SPRED2: variants seen among roughly 807,000 people sequenced by gnomAD.
SPRED2 encodes sprouty related EVH1 domain containing 2.
SPRED2 carries 47 observed loss-of-function variants against 43.0 expected under a neutral mutation model. The ratio of observed to expected loss-of-function variants is 1.09; its 90% CI spans 0.87 to 1.40. The LOEUF (loss-of-function observed/expected upper bound fraction) is 1.40, where lower values mean the gene tolerates loss of function less well. Among genes scored for constraint, SPRED2 ranks in the 40% most tolerant of loss-of-function variants. SPRED2 has a pLI of 0.00. For missense variants in SPRED2, 561 were observed against 586.4 expected (o/e 0.96, Z 0.45); for synonymous variants, 225 against 225.7 (o/e 1.00, Z 0.03).
chr2:65,415,353 G>A (rs1173268276), intron 1 of SPRED2, among the ~76,000 whole-genome samples: 1 of 151,994 alleles, frequency 6.6e-6, no homozygotes, highest in Non-Finnish European at 1.5e-5. Flanking sequence ...TCTGTTTTAA[G>A]TCAATGTATT....
chr2:65,427,044 TC>T (rs1456417716), intron 1 of SPRED2, among the ~76,000 whole-genome samples: 1 of 151,982 alleles, frequency 6.6e-6, no homozygotes, highest in Admixed American at 6.5e-5. Context: ...TAAGGTCTTT[TC>T]AGGTTTTTTT....
intron 1 of SPRED2, among the ~76,000 whole-genome samples, chr2:65,376,845 G>T (rs1042393018): frequency 3.3e-5 from 5 of 152,110 alleles, no homozygotes; most frequent in Non-Finnish European, 7.4e-5. Context: ...CTCCTGAGTA[G>T]CTGGGACTAC....
chr2:65,423,541 C>T (rs1409950233), intron 1 of SPRED2, among the ~76,000 whole-genome samples: 1 of 152,226 alleles, frequency 6.6e-6, no homozygotes, highest in Non-Finnish European at 1.5e-5. Flanking sequence ...ATTATCCTCC[C>T]ACAAGCTCCC....
chr2:65,384,655 G>T (rs947832523), intron 1 of SPRED2, among the ~76,000 whole-genome samples: 2 of 152,026 alleles, frequency 1.3e-5, no homozygotes, highest in African/African-American at 4.8e-5. Flanking sequence ...CTACCCCCAC[G>T]GAGAAAAGCC....
At chr2:65,393,326 C>CTTTTTT (rs55696467) in intron 1 of SPRED2, among the ~76,000 whole-genome samples, 9 of 141,692 alleles carry the variant, frequency 6.4e-5, no homozygotes, top group Non-Finnish European at 7.7e-5. Context: ...AATCATAAGG[C>CTTTTTT]TTTTTTTTTT....
intron 1 of SPRED2, among the ~76,000 whole-genome samples, chr2:65,431,342 C>A (rs1414513113): frequency 1.3e-5 from 2 of 151,438 alleles, no homozygotes; most frequent in African/African-American, 4.8e-5. Context: ...TGCACAGGCA[C>A]TCACGCGCCG....
In SPRED2 at chr2:65,313,599, G is replaced by C; in HGVS notation, c.1159C>G (p.Leu387Val). The C allele has an allele frequency of 6.2e-7, 1 of 1,614,206 alleles. No homozygotes were observed. The highest frequency in any genetic ancestry group is 1.1e-5 in the South Asian group (1 of 91,090). The change falls in exon 6 of 6, where the codon CTG becomes GTG. Residue 387 changes from leucine to valine, a missense_variant. This residue lies in a region of SPRED2 where 65 missense variants were observed against 60.2 expected (regional missense o/e 1.08). Coordinates refer to ENST00000356388, the MANE Select transcript of SPRED2 (RefSeq NM_181784.3). ...RWMALIALSFLAPCMCCYLPL... is the reference protein window; with the variant it reads ...RWMALIALSFVAPCMCCYLPL... ...AGGTAACAGCACATACAGGGGGCCA[G>C]GAAAGACAAGGCAATAAGAGCCATC...
intron 1 of SPRED2, among the ~76,000 whole-genome samples, chr2:65,381,266 CCAG>C (rs1675368098): frequency 6.6e-6 from 1 of 152,340 alleles, no homozygotes; most frequent in Admixed American, 6.5e-5. Flanking sequence ...CCAGCCTGCA[CCAG>C]CAGATGTCTT....
At chr2:65,316,675 C>A in intron 5 of SPRED2, 59 bp downstream of exon 5, 1 of 1,552,208 alleles carries the variant, frequency 6.4e-7, no homozygotes. Flanking sequence ...GGGAAAGAGG[C>A]CATTCCAGAA....
rs1234699030 is a variant in SPRED2 at position 65,339,379 on chromosome 2, C to T, written c.205-4606G>A. The stretch of plus-strand genomic sequence containing the variant: ...GGCGACTTTTCATTTTGTTTTGTAC[C>T]AAGAAAAATTCTTCTGCCTTGGGAT... On this transcript the variant is annotated intron_variant, in intron 2 of 5. Transcript: ENST00000356388. 3.3e-5 allele frequency among the ~76,000 whole-genome samples: 5 copies of T among 151,738 alleles called. No homozygotes were observed. The East Asian group carries it at 9.8e-4, about 30-fold the overall frequency.
intron 1 of SPRED2, among the ~76,000 whole-genome samples, chr2:65,359,216 G>A (rs1490129065): frequency 4.6e-5 from 7 of 152,134 alleles, no homozygotes; most frequent in East Asian, 1.9e-4. Context: ...TCCTACAAGC[G>A]CAATTTCCTT....
intron 1 of SPRED2, among the ~76,000 whole-genome samples, chr2:65,420,697 C>A (rs1407826443): frequency 1.3e-5 from 2 of 152,302 alleles, no homozygotes; most frequent in East Asian, 1.9e-4. Flanking sequence ...ACATTCATTT[C>A]ATTTAAGTGC....
At chr2:65,385,384 C>T (rs1207213209) in intron 1 of SPRED2, among the ~76,000 whole-genome samples, 6 of 152,242 alleles carry the variant, frequency 3.9e-5, no homozygotes, top group South Asian at 2.1e-4. Context: ...GAGATGCCCA[C>T]GCCCTCTGGG....
chr2:65,315,609 A>C (rs1225214077), intron 5 of SPRED2, among the ~76,000 whole-genome samples: 2 of 152,258 alleles, frequency 1.3e-5, no homozygotes, highest in African/African-American at 4.8e-5. Flanking sequence ...TATTTTGGAC[A>C]GTAAGGAAAG....
At chr2:65,377,554 CTG>C in intron 1 of SPRED2, 1 of 471,156 alleles carries the variant, frequency 2.1e-6, no homozygotes, top group East Asian at 6.9e-5. Flanking sequence ...AGGGGGAACA[CTG>C]TGGCAAAGCA....
chr2:65,388,246 T>A (rs529688945), intron 1 of SPRED2, among the ~76,000 whole-genome samples: 9 of 152,348 alleles, frequency 5.9e-5, no homozygotes, highest in Non-Finnish European at 1.3e-4. Flanking sequence ...AAGTTCAACC[T>A]GAGTGAATCC....
intron 2 of SPRED2, among the ~76,000 whole-genome samples, chr2:65,336,884 G>A (rs1261839829): frequency 6.6e-6 from 1 of 152,164 alleles, no homozygotes; most frequent in East Asian, 1.9e-4. Flanking sequence ...CGAGGCGGGC[G>A]GATCATGAGG....
intron 4 of SPRED2, among the ~76,000 whole-genome samples, chr2:65,320,427 C>T (rs2104140542): frequency 6.6e-6 from 1 of 152,326 alleles, no homozygotes; most frequent in East Asian, 1.9e-4. Flanking sequence ...ATGCTACCTT[C>T]CGATATTCCC....
intron 4 of SPRED2, among the ~76,000 whole-genome samples, chr2:65,328,756 T>C (rs1311477073): frequency 6.6e-6 from 1 of 152,136 alleles, no homozygotes; most frequent in Non-Finnish European, 1.5e-5. Context: ...AACACAGGGA[T>C]CACATGCCAC....
Sources: allele counts gnomAD v4.1 joint callset (sites outside exome capture counted in the v4.1 genomes callset), GRCh38; gene constraint gnomAD v4.1.1; regional missense constraint gnomAD v4.1.1; transcripts MANE v1.5; gene names NCBI Gene and HGNC (gene_info 2026-07-23, HGNC 2026-07-21).